Variants in CCDC191 observed in about 807,000 individuals in gnomAD.
The protein encoded by CCDC191 is coiled-coil domain-containing protein 191.
CCDC191 carries 99 observed loss-of-function variants against 114.0 expected under a neutral mutation model. That is an observed-to-expected ratio of 0.87 (90% CI 0.74 to 1.03). CCDC191 has a LOEUF of 1.03. CCDC191 is among the 50% of genes least tolerant of loss of function. The pLI is 0.00. For synonymous variants in CCDC191, 351 were observed against 376.0 expected, an observed-to-expected ratio of 0.93 and a Z score of 0.77; for missense variants, 973 against 1,087.0, an observed-to-expected ratio of 0.90 and a Z score of 1.47.
intron 9 of CCDC191, among the ~76,000 whole-genome samples, chr3:114,006,332 C>T (rs2075958923): frequency 6.6e-6 from 1 of 151,776 alleles, no homozygotes. Context: ...ACCTGTAATC[C>T]CAGCTACTCA....
rs1939977164 is a variant in CCDC191, at chr3:113,965,102, A to C, written c.*53T>G. The C allele has an allele frequency of 1.8e-6, 2 of 1,116,268 alleles. No homozygotes were observed. Among genetic ancestry groups the C allele is most frequent in the Non-Finnish European group, 2.6e-6 (2 of 782,936 alleles). The allele number at this position is 1,116,268 out of a possible 1,614,324, so 69.1% of individuals were successfully genotyped here. A position where few individuals can be genotyped will look rare whatever the true frequency, so the allele number is the denominator to read the frequency against. On this transcript the variant is annotated 3_prime_UTR_variant, in exon 17 of 17. Transcript: ENST00000295878. ...GTATGTGTGTGGGTGGGTGGAGATAACACACATACAGACTAGTCGAGCTTC... is the reference window on the plus strand; with the variant it reads ...GTATGTGTGTGGGTGGGTGGAGATACCACACATACAGACTAGTCGAGCTTC...
chr3:113,967,395 A>G (rs1450057336), intron 16 of CCDC191, among the ~76,000 whole-genome samples: 1 of 151,440 alleles, frequency 6.6e-6, no homozygotes, highest in Non-Finnish European at 1.5e-5. Flanking sequence ...CTTTCCCTAC[A>G]TTTCTCTTTC....
chr3:114,045,798 A>G (rs141673926), intron 3 of CCDC191, among the ~76,000 whole-genome samples: 2 of 152,152 alleles, frequency 1.3e-5, no homozygotes, highest in African/African-American at 4.8e-5. Context: ...ACATTGTTCA[A>G]CTGACTCCTT....
intron 3 of CCDC191, among the ~76,000 whole-genome samples, chr3:114,045,427 A>C (rs1209354781): frequency 6.6e-6 from 1 of 152,138 alleles, no homozygotes; most frequent in African/African-American, 2.4e-5. Context: ...GCTGGAGTGC[A>C]GTGGCAAGAT....
chr3:114,043,049 A>G (rs538384595), intron 3 of CCDC191, among the ~76,000 whole-genome samples: 2 of 152,230 alleles, frequency 1.3e-5, no homozygotes, highest in Non-Finnish European at 2.9e-5. Flanking sequence ...AAGAGAGACA[A>G]TAAGTAAATA....
intron 1 of CCDC191, 82 bp downstream of exon 1, chr3:114,056,295 C>A: frequency 7.4e-7 from 1 of 1,348,100 alleles, no homozygotes. Context: ...AGGCAGGAAG[C>A]ACAGACGGGC....
At chr3:113,992,951 T>C (rs751232253) in intron 13 of CCDC191, among the ~76,000 whole-genome samples, 10 of 152,156 alleles carry the variant, frequency 6.6e-5, no homozygotes, top group Non-Finnish European at 1.3e-4. Context: ...CAAAGGATAA[T>C]ACACTATGAT....
chr3:114,021,783 G>A (rs1336149258), intron 7 of CCDC191, among the ~76,000 whole-genome samples: 1 of 152,062 alleles, frequency 6.6e-6, no homozygotes, highest in East Asian at 1.9e-4. Flanking sequence ...TTTAAAACAA[G>A]ATGTATGATT....
intron 3 of CCDC191, among the ~76,000 whole-genome samples, chr3:114,046,008 ATAAC>A (rs1430564967): frequency 6.6e-6 from 1 of 152,222 alleles, no homozygotes; most frequent in Admixed American, 6.5e-5. Flanking sequence ...AATAAATGGA[ATAAC>A]TGGAGACATG....
At chr3:114,031,602 G>A in intron 7 of CCDC191, 24 bp downstream of exon 7, 1 of 1,578,470 alleles carries the variant, frequency 6.3e-7, no homozygotes, top group Admixed American at 1.7e-5. Flanking sequence ...AGAATGCTGA[G>A]TAAAGAGACA....
intron 12 of CCDC191, 146 bp from the exon 13 acceptor site, chr3:114,001,842 C>A: frequency 1.1e-6 from 1 of 935,668 alleles, no homozygotes; most frequent in South Asian, 1.8e-5. Context: ...GTAGAAAACT[C>A]AATCAACCTG....
intron 4 of CCDC191, among the ~76,000 whole-genome samples, chr3:114,040,277 T>A (rs1221808933): frequency 6.6e-6 from 1 of 152,218 alleles, no homozygotes; most frequent in Admixed American, 6.5e-5. Flanking sequence ...CACTCTATAA[T>A]GTTCACACAA....
intron 5 of CCDC191, among the ~76,000 whole-genome samples, chr3:114,036,287 A>G (rs1242730890): frequency 6.6e-6 from 1 of 152,194 alleles, no homozygotes; most frequent in Non-Finnish European, 1.5e-5. Context: ...TTTGAAAACC[A>G]AACTCAAGCA....
chr3:114,056,144 A>G (rs757813190), intron 1 of CCDC191, among the ~76,000 whole-genome samples: 4 of 152,166 alleles, frequency 2.6e-5, no homozygotes, highest in Non-Finnish European at 5.9e-5. Flanking sequence ...CGGTTTTAGA[A>G]AAGCGTTACA....
chr3:113,976,343 G>A (rs1577324819), intron 16 of CCDC191, among the ~76,000 whole-genome samples: 1 of 151,968 alleles, frequency 6.6e-6, no homozygotes, highest in East Asian at 1.9e-4. Context: ...GAAGACTGAT[G>A]TAGCAAGAAG....
At chr3:114,006,617 T>TATATATATATATATATAAATAA (rs1482068610) in intron 9 of CCDC191, among the ~76,000 whole-genome samples, 1 of 118,424 alleles carries the variant, frequency 8.4e-6, no homozygotes, top group East Asian at 2.4e-4. Flanking sequence ...TATATATATA[T>TATATATATATATATATAAATAA]AAATATATAT....
intron 13 of CCDC191, 138 bp from the exon 14 acceptor site, chr3:113,980,931 G>C (rs879830457): frequency 1.3e-6 from 1 of 749,934 alleles, no homozygotes; most frequent in Non-Finnish European, 2.1e-6. Flanking sequence ...TGGATAATAG[G>C]GCTTTTTCTT....
intron 13 of CCDC191, among the ~76,000 whole-genome samples, chr3:113,986,131 TA>T (rs1256394151): frequency 5.3e-5 from 8 of 151,850 alleles, no homozygotes; most frequent in African/African-American, 1.9e-4. Context: ...ATGGAAACTA[TA>T]AAAAAAGATT....
chr3:114,009,066 G>A (rs1385759407), intron 9 of CCDC191, among the ~76,000 whole-genome samples: 1 of 152,064 alleles, frequency 6.6e-6, no homozygotes, highest in East Asian at 1.9e-4. Context: ...CATAGAAAAG[G>A]TACAGTAAAA....
Sources: gnomAD v4.1 joint callset for allele counts (sites outside exome capture counted in the v4.1 genomes callset) on GRCh38, gnomAD v4.1.1 for gene constraint, MANE v1.5 for transcripts, NCBI Gene and HGNC (gene_info 2026-07-23, HGNC 2026-07-21) for gene names.